Variants in NNT observed in about 807,000 individuals in gnomAD.
The protein encoded by NNT is nicotinamide nucleotide transhydrogenase, also known as NAD(P) transhydrogenase, mitochondrial.
NNT carries 50 observed loss-of-function variants against 104.8 expected under a neutral mutation model. That is an observed-to-expected ratio of 0.48 (90% CI 0.38 to 0.60). The LOEUF is 0.60. Among genes scored for constraint, NNT ranks in the 20% least tolerant of loss-of-function variants. NNT has a pLI of 0.00. For missense variants in NNT, 1,131 were observed against 1,330.7 expected (o/e 0.85, Z 2.33); for synonymous variants, 461 against 490.4 (o/e 0.94, Z 0.79).
At chr5:43,674,781 T>C (rs1203440129) in intron 17 of NNT, among the ~76,000 whole-genome samples, 1 of 152,232 alleles carries the variant, frequency 6.6e-6, no homozygotes, top group East Asian at 1.9e-4. Context: ...GGCATTCCTA[T>C]GGTACATTCT....
At chr5:43,647,072 A>G (rs1441820512) in intron 10 of NNT, among the ~76,000 whole-genome samples, 1 of 152,254 alleles carries the variant, frequency 6.6e-6, no homozygotes, top group Non-Finnish European at 1.5e-5. Context: ...ATAAAGAATT[A>G]AGGACCAGCA....
intron 19 of NNT, among the ~76,000 whole-genome samples, chr5:43,688,730 G>T (rs1424511849): frequency 6.6e-6 from 1 of 152,182 alleles, no homozygotes; most frequent in Non-Finnish European, 1.5e-5. Context: ...TCAGGTTGCT[G>T]TGAATGCCAT....
intron 17 of NNT, among the ~76,000 whole-genome samples, chr5:43,671,971 C>T (rs1260527605): frequency 6.6e-6 from 1 of 152,136 alleles, no homozygotes; most frequent in Non-Finnish European, 1.5e-5. Flanking sequence ...TTCTTGGAGG[C>T]TTTCTTCATT....
chr5:43,691,070 A>AGAGAGAGTGTGT (rs1245517310), intron 19 of NNT, among the ~76,000 whole-genome samples: 9 of 137,504 alleles, frequency 6.5e-5, no homozygotes, highest in Non-Finnish European at 1.4e-4. Flanking sequence ...TTTTTGAGAG[A>AGAGAGAGTGTGT]GTGTGTGTGT....
intron 17 of NNT, among the ~76,000 whole-genome samples, chr5:43,671,952 G>A (rs1230250707): frequency 2.0e-5 from 3 of 152,042 alleles, no homozygotes; most frequent in African/African-American, 7.3e-5. Context: ...TTTTCACATA[G>A]TCCCATATTT....
chr5:43,702,050 T>C (rs1232179225), intron 20 of NNT, among the ~76,000 whole-genome samples: 1 of 152,196 alleles, frequency 6.6e-6, no homozygotes, highest in Non-Finnish European at 1.5e-5. Context: ...TTTTCTCTCA[T>C]TCTGTAGCTT....
At position 43,700,115 on chromosome 5, in the gene NNT, C is replaced by T. The variant is rs1010804589; in HGVS notation, c.2877-4C>T. ...GGCCAGCTCTTCATTTGTTTCATGT[C>T]TAGGTTTGGAATTCACCCAGTTGCA... On this transcript the variant is annotated splice_region_variant and splice_polypyrimidine_tract_variant and intron_variant, in intron 19 of 21. Coordinates refer to ENST00000344920, the MANE Select transcript of NNT (RefSeq NM_182977.3). 3.1e-6 allele frequency: 5 copies of T among 1,609,248 alleles called. No homozygotes were observed. Among genetic ancestry groups the T allele is most frequent in the Admixed American group, 1.7e-5 (1 of 59,656 alleles).
chr5:43,602,861 G>A (rs1345594278), upstream of NNT: 1 of 152,526 alleles, frequency 6.6e-6, no homozygotes, highest in African/African-American at 2.4e-5. Context: ...ATGTGTCCCT[G>A]AAAACTTCAG....
intron 10 of NNT, chr5:43,645,760 G>A (rs1253462267): frequency 1.6e-5 from 2 of 124,458 alleles, no homozygotes; most frequent in African/African-American, 6.2e-5. Flanking sequence ...TGTCGCCCAG[G>A]CTGGAGTGCA....
chr5:43,620,891 G>C (rs1370148054), intron 5 of NNT, among the ~76,000 whole-genome samples: 1 of 152,186 alleles, frequency 6.6e-6, no homozygotes, highest in Non-Finnish European at 1.5e-5. Context: ...TGTGGAAGTT[G>C]AGAGAAAAGC....
intron 17 of NNT, among the ~76,000 whole-genome samples, chr5:43,671,741 T>C (rs147721729): frequency 0.034 from 5,135 of 152,256 alleles, 135 homozygotes; most frequent in East Asian, 0.12. Flanking sequence ...TCAACTTTGG[T>C]GAATGTGACA....
intron 1 of NNT, among the ~76,000 whole-genome samples, chr5:43,604,318 T>C (rs908030232): frequency 6.6e-6 from 1 of 152,180 alleles, no homozygotes; most frequent in Non-Finnish European, 1.5e-5. Flanking sequence ...CTCTTCTTAT[T>C]TAAAGTGTGC....
chr5:43,666,471 A>G (rs1740692031), intron 17 of NNT, among the ~76,000 whole-genome samples: 1 of 152,122 alleles, frequency 6.6e-6, no homozygotes, highest in East Asian at 1.9e-4. Context: ...GCGCGCCTGC[A>G]ATCCCAGGCA....
Position 43,655,865 on chromosome 5 carries a change from G to GA in NNT, c.2086dup (p.Ile696AsnfsTer3), listed in dbSNP as rs1740015938. 1 of 1,614,072 alleles carries GA rather than the reference G, an allele frequency of 6.2e-7. No individual in the cohort carries two copies. The highest frequency in any genetic ancestry group is 1.3e-5 in the African/African-American group (1 of 74,940). On this transcript the variant is annotated frameshift_variant, in exon 15 of 22. Transcript: ENST00000344920. LOFTEE classifies it high-confidence loss of function. ...GATTGACAATTGCCAAACGCATCCA[G>GA]ATTTCTGATTTACCTCAATTAGTTG... is the stretch of plus-strand genomic sequence containing the variant.
intron 7 of NNT, among the ~76,000 whole-genome samples, chr5:43,635,906 G>A (rs1244721775): frequency 6.6e-6 from 1 of 152,116 alleles, no homozygotes; most frequent in Admixed American, 6.6e-5. Flanking sequence ...TAGGAATTTT[G>A]CAGTGGCCAC....
chr5:43,667,867 T>C (rs1323912498), intron 17 of NNT, among the ~76,000 whole-genome samples: 1 of 152,232 alleles, frequency 6.6e-6, no homozygotes, highest in Non-Finnish European at 1.5e-5. Flanking sequence ...ATGGTTGAAC[T>C]AGTTTACAGT....
At chr5:43,690,439 G>A (rs929829521) in intron 19 of NNT, among the ~76,000 whole-genome samples, 7 of 152,164 alleles carry the variant, frequency 4.6e-5, no homozygotes, top group African/African-American at 7.2e-5. Context: ...AGAGCAGTGG[G>A]CCTGGTGGGC....
At position 43,700,004 on chromosome 5, in the gene NNT, C is replaced by A. The variant is rs569854255; in HGVS notation, c.2877-115C>A. 4.0e-5 allele frequency: 28 copies of A among 701,300 alleles called. No homozygotes were observed. In the South Asian group the frequency reaches 5.5e-4, roughly 14 times the overall value. The allele number at this position is 701,300 out of a possible 1,614,324, so 43.4% of individuals were successfully genotyped here. On this transcript the variant is annotated intron_variant, in intron 19 of 21. Coordinates refer to ENST00000344920, the MANE Select transcript of NNT (RefSeq NM_182977.3). ...TTCATTCTGTAGAGATCAGATAGTA[C>A]CAGAAAAAAGCAGAGGTGCCAAGAA...
intron 5 of NNT, among the ~76,000 whole-genome samples, chr5:43,622,114 T>C (rs113370687): frequency 3.4e-3 from 521 of 152,314 alleles, no homozygotes; most frequent in African/African-American, 0.012. Flanking sequence ...GCAAGATCTG[T>C]CAGCAATTGG....
Sources: allele counts gnomAD v4.1 joint callset (sites outside exome capture counted in the v4.1 genomes callset), GRCh38; gene constraint gnomAD v4.1.1; transcripts MANE v1.5; gene names NCBI Gene and HGNC (gene_info 2026-07-23, HGNC 2026-07-21).